GPM6B: variants seen among roughly 807,000 people sequenced by gnomAD.
GPM6B encodes the protein neuronal membrane glycoprotein M6-b.
GPM6B carries 4 observed loss-of-function variants against 27.2 expected under a neutral mutation model. The observed-to-expected ratio is 0.15, with a 90% CI of 0.07 to 0.34. GPM6B has a LOEUF of 0.34. GPM6B is among the 10% of genes least tolerant of loss of function. GPM6B has a pLI of 1.00. For synonymous variants in GPM6B, 124 were observed against 103.1 expected, an observed-to-expected ratio of 1.20 and a Z score of -1.23; for missense variants, 183 against 261.9, an observed-to-expected ratio of 0.70 and a Z score of 2.08.
chrX:13,863,214 C>A (rs761001724), intron 1 of GPM6B, among the ~76,000 whole-genome samples: 8 of 111,589 alleles, frequency 7.2e-5, no homozygotes, highest in Non-Finnish European at 1.5e-4. Context: ...CCCTCCGGGG[C>A]AATCTTTGAA....
At chrX:13,801,616 C>T (rs2048922391) in intron 2 of GPM6B, among the ~76,000 whole-genome samples, 1 of 111,747 alleles carries the variant, frequency 8.9e-6, no homozygotes, top group Non-Finnish European at 1.9e-5. Context: ...TGGCTGGTTC[C>T]GATAACATTT....
chrX:13,836,943 A>G lies in GPM6B; in HGVS notation c.-197-51135T>C, dbSNP rs752852417. The stretch of plus-strand genomic sequence containing the variant: ...ATGCGCTTTCCTGCAAAAAAAATCA[A>G]CCACTCAGAGCAAGAAGGAAAACAT... On this transcript the variant is annotated intron_variant, in intron 1 of 6. Coordinates refer to the GPM6B transcript ENST00000398361. 8.0e-5 allele frequency among the ~76,000 whole-genome samples: 9 copies of G among 112,721 alleles called. No homozygotes were observed. The East Asian group carries it at 2.5e-3, about 31-fold the overall frequency.
chrX:13,838,997 G>A (rs2049539009), intron 1 of GPM6B, among the ~76,000 whole-genome samples: 1 of 111,513 alleles, frequency 9.0e-6, no homozygotes, highest in Admixed American at 9.5e-5. Context: ...TTGGAAATAA[G>A]GCACAACTGA....
At chrX:13,838,360 G>T (rs750684731) in intron 1 of GPM6B, among the ~76,000 whole-genome samples, 1 of 112,091 alleles carries the variant, frequency 8.9e-6, no homozygotes, top group South Asian at 3.8e-4. Flanking sequence ...TCCAGCAAAA[G>T]AAATGATTTG....
intron 1 of GPM6B, among the ~76,000 whole-genome samples, chrX:13,935,007 A>C (rs1406666084): frequency 9.0e-6 from 1 of 111,416 alleles, no homozygotes; most frequent in Non-Finnish European, 1.9e-5. Context: ...CTGCTTTTTT[A>C]ACAAGATCGC....
intron 1 of GPM6B, among the ~76,000 whole-genome samples, chrX:13,812,300 G>A (rs1464520892): frequency 3.6e-5 from 4 of 110,099 alleles, no homozygotes; most frequent in African/African-American, 6.6e-5. Flanking sequence ...TGATCCGCCC[G>A]CCTCGGCCTC....
intron 7 of GPM6B, among the ~76,000 whole-genome samples, chrX:13,775,785 C>T (rs2048401888): frequency 8.9e-6 from 1 of 112,482 alleles, no homozygotes; most frequent in East Asian, 2.8e-4. Context: ...CCAGCATTCG[C>T]TAATTCATTG....
chrX:13,800,256 C>G (rs1247720250), intron 2 of GPM6B, among the ~76,000 whole-genome samples: 1 of 111,963 alleles, frequency 8.9e-6, no homozygotes, highest in Non-Finnish European at 1.9e-5. Context: ...GTAACCAAGT[C>G]CTGCCAGTAG....
At chrX:13,920,266 CAAAA>C (rs144988935) in intron 1 of GPM6B, among the ~76,000 whole-genome samples, 2 of 22,322 alleles carry the variant, frequency 9.0e-5, no homozygotes, top group African/African-American at 3.6e-4. Flanking sequence ...GACTCTGTCT[CAAAA>C]AAAAAAAAAA....
chrX:13,913,191 C>A (rs1375723873), intron 1 of GPM6B, among the ~76,000 whole-genome samples: 1 of 111,487 alleles, frequency 9.0e-6, no homozygotes, highest in African/African-American at 3.3e-5. Context: ...ACTTTGTTGC[C>A]CAGGCTGCAG....
At chrX:13,776,594 G>T (rs1427750964) in intron 6 of GPM6B, among the ~76,000 whole-genome samples, 3 of 112,189 alleles carry the variant, frequency 2.7e-5, no homozygotes, top group Non-Finnish European at 5.6e-5. Flanking sequence ...TGCAGCCACG[G>T]TGGGGAGCCC....
At chrX:13,774,481 A>G in intron 7 of GPM6B, 1 of 1,204,204 alleles carries the variant, frequency 8.3e-7, no homozygotes, top group Non-Finnish European at 1.1e-6. Context: ...ACTCTGCTTT[A>G]GTCTGGAGTG....
At chrX:13,880,107 G>A (rs896880111) in intron 1 of GPM6B, among the ~76,000 whole-genome samples, 20 of 111,952 alleles carry the variant, frequency 1.8e-4, no homozygotes, top group African/African-American at 5.8e-4. Context: ...GCTAACACAC[G>A]GATTCTTCTA....
intron 1 of GPM6B, among the ~76,000 whole-genome samples, chrX:13,924,368 T>C (rs1176242837): frequency 2.7e-5 from 3 of 111,532 alleles, no homozygotes; most frequent in Non-Finnish European, 5.6e-5. Context: ...GGCGCAATCA[T>C]GGCTCACTGC....
intron 1 of GPM6B, among the ~76,000 whole-genome samples, chrX:13,822,716 A>G (rs369529686): frequency 1.8e-5 from 2 of 111,472 alleles, no homozygotes; most frequent in East Asian, 5.6e-4. Flanking sequence ...TGACAAAATC[A>G]AAGATGTGTT....
intron 1 of GPM6B, among the ~76,000 whole-genome samples, chrX:13,861,656 T>C (rs2049854450): frequency 8.9e-6 from 1 of 112,027 alleles, no homozygotes; most frequent in Non-Finnish European, 1.9e-5. Flanking sequence ...CAGGATTCAA[T>C]ACTGAACTTA....
At chrX:13,910,389 G>A (rs555175856) in intron 1 of GPM6B, among the ~76,000 whole-genome samples, 7 of 112,651 alleles carry the variant, frequency 6.2e-5, no homozygotes, top group East Asian at 5.6e-4. Context: ...GAGCCACTGG[G>A]CGAATGCACA....
rs746038103 is a variant in GPM6B at position 13,883,983 on chromosome X, A to C, written c.-198+54344T>G. Among the ~76,000 whole-genome samples, 609 of 111,938 alleles carry C rather than the reference A, an allele frequency of 5.4e-3. 2 individuals carry two copies. Among genetic ancestry groups the C allele is most frequent in the Non-Finnish European group, 9.3e-3 (493 of 53,132 alleles). ...ACAAGGTCAGGAGTTCAAGACCAGC[A>C]TGGCCAACATGGTAAAACTCTGTCT... On this transcript the variant is annotated intron_variant, in intron 1 of 6. Transcript: ENST00000398361.
At chrX:13,799,051 G>T (rs953046850) in intron 2 of GPM6B, among the ~76,000 whole-genome samples, 1 of 111,313 alleles carries the variant, frequency 9.0e-6, no homozygotes. Flanking sequence ...TGTGGCTTCG[G>T]AATTTTAAAA....
Sources: gnomAD v4.1 joint callset for allele counts (sites outside exome capture counted in the v4.1 genomes callset) on GRCh38, gnomAD v4.1.1 for gene constraint, MANE v1.5 for transcripts, NCBI Gene and HGNC (gene_info 2026-07-23, HGNC 2026-07-21) for gene names.